MCHR2: variants seen among roughly 807,000 people sequenced by gnomAD.
MCHR2 encodes the protein melanin concentrating hormone receptor 2.
Under a neutral mutation model 24.8 loss-of-function variants are expected in MCHR2, and 15 were observed. The ratio of observed to expected loss-of-function variants is 0.60; its 90% CI spans 0.40 to 0.93. The LOEUF (loss-of-function observed/expected upper bound fraction) is 0.93. Among genes scored for constraint, MCHR2 ranks in the 40% least tolerant of loss-of-function variants. The probability of loss-of-function intolerance (pLI) is 0.00; values close to 1 mark genes in which losing one functional copy is unlikely to be tolerated. For synonymous variants in MCHR2, 151 were observed against 147.6 expected, an observed-to-expected ratio of 1.02 and a Z score of -0.17; for missense variants, 386 against 408.7, an observed-to-expected ratio of 0.94 and a Z score of 0.48.
At chr6:99,990,531 GTTAA>G (rs1775853765) in intron 1 of MCHR2, among the ~76,000 whole-genome samples, 2 of 152,066 alleles carry the variant, frequency 1.3e-5, no homozygotes, top group South Asian at 4.1e-4. Flanking sequence ...AAAAATGTAT[GTTAA>G]TTAAGTAAAA....
rs947997612 is a variant in MCHR2 at position 99,991,004 on chromosome 6, G to A, written c.-28+2932C>T. ...TTTATGAGATTCCCAATAATGTTGG[G>A]ATGGGACAGAAAGAAGAAACCCAAG... On this transcript the variant is annotated intron_variant, in intron 1 of 5. Transcript: ENST00000281806. 5.3e-5 allele frequency among the ~76,000 whole-genome samples: 8 copies of A among 151,146 alleles called. No individual in the cohort carries two copies. In the East Asian group the frequency reaches 5.8e-4, roughly 11 times the overall value.
intron 1 of MCHR2, among the ~76,000 whole-genome samples, chr6:99,982,960 G>C (rs1775699394): frequency 6.6e-6 from 1 of 151,816 alleles, no homozygotes; most frequent in Admixed American, 6.6e-5. Flanking sequence ...GTTTTGTTTT[G>C]TTTGTCTTAT....
chr6:99,930,872 A>G lies in MCHR2; in HGVS notation c.707+3526T>C, dbSNP rs538395148. On this transcript the variant is annotated intron_variant, in intron 5 of 5. Transcript: ENST00000281806. Reference sequence around the variant, plus strand: ...GTCATTCTCCATCCAGCTTTGTTCCATTGCTGGTGAGGAGCTGTGTTCCTT... The same window carrying G: ...GTCATTCTCCATCCAGCTTTGTTCCGTTGCTGGTGAGGAGCTGTGTTCCTT... Among the ~76,000 whole-genome samples the G allele has an allele frequency of 7.2e-5, 11 of 152,188 alleles. 1 individual carries two copies. The South Asian group carries it at 2.1e-3, about 29-fold the overall frequency.
intron 1 of MCHR2, among the ~76,000 whole-genome samples, chr6:99,961,668 G>C (rs1775191614): frequency 1.3e-5 from 2 of 152,092 alleles, no homozygotes; most frequent in African/African-American, 4.8e-5. Flanking sequence ...AGAACACATA[G>C]ACACAGGGTG....
chr6:99,928,755 T>C (rs1364681392), intron 5 of MCHR2, among the ~76,000 whole-genome samples: 1 of 152,220 alleles, frequency 6.6e-6, no homozygotes, highest in Non-Finnish European at 1.5e-5. Context: ...TTGCTAGCGG[T>C]CTATCAATTT....
chr6:99,945,607 CATTT>C (rs1431565114), intron 3 of MCHR2, among the ~76,000 whole-genome samples: 7 of 152,094 alleles, frequency 4.6e-5, no homozygotes, highest in African/African-American at 1.4e-4. Flanking sequence ...ATGGCACTGA[CATTT>C]AGTTATGATC....
rs925686587 is a variant in MCHR2 at position 99,930,533 on chromosome 6, C to T, written c.707+3865G>A. On this transcript the variant is annotated intron_variant, in intron 5 of 5. Coordinates refer to ENST00000281806, the MANE Select transcript of MCHR2 (RefSeq NM_001040179.2). ...TCCCATATTTCTTGGAGGCTTTGTT[C>T]GTTTCTTTTTATTCTTTTTTCTCTA... is the stretch of plus-strand genomic sequence containing the variant. Among the ~76,000 whole-genome samples, 8 of 152,182 alleles carry T rather than the reference C, an allele frequency of 5.3e-5. No individual in the cohort carries two copies. In the East Asian group the frequency reaches 5.8e-4, roughly 11 times the overall value.
At chr6:99,981,129 A>G (rs999518188) in intron 1 of MCHR2, among the ~76,000 whole-genome samples, 2 of 152,194 alleles carry the variant, frequency 1.3e-5, no homozygotes, top group African/African-American at 4.8e-5. Context: ...CTAGCTGTCA[A>G]TCCTTTTGCT....
intron 5 of MCHR2, 63 bp from the exon 6 acceptor site, chr6:99,921,318 T>G (rs995640667): frequency 1.8e-5 from 26 of 1,477,758 alleles, no homozygotes; most frequent in Non-Finnish European, 2.2e-5. Flanking sequence ...GGGCAATGTG[T>G]TCCTAGAACC....
intron 4 of MCHR2, among the ~76,000 whole-genome samples, chr6:99,937,606 G>C (rs1292776794): frequency 6.6e-6 from 1 of 151,748 alleles, no homozygotes; most frequent in Admixed American, 6.6e-5. Context: ...AATTCTGTTT[G>C]CTAGTATTTT....
At chr6:99,975,608 T>A (rs999006827) in intron 1 of MCHR2, among the ~76,000 whole-genome samples, 3 of 152,192 alleles carry the variant, frequency 2.0e-5, no homozygotes, top group Admixed American at 6.5e-5. Flanking sequence ...CACTCCCTAG[T>A]GAGATGAACC....
intron 5 of MCHR2, among the ~76,000 whole-genome samples, chr6:99,929,666 C>A (rs910153906): frequency 8.6e-5 from 13 of 151,974 alleles, no homozygotes; most frequent in Admixed American, 6.6e-5. Context: ...GCAACCCCTG[C>A]CTTTTTTTGT....
chr6:99,925,569 T>A (rs1347099205), intron 5 of MCHR2, among the ~76,000 whole-genome samples: 1 of 151,972 alleles, frequency 6.6e-6, no homozygotes, highest in Non-Finnish European at 1.5e-5. Context: ...CCATTGTATG[T>A]TTTCTGATTT....
At chr6:99,951,799 G>A (rs779299208) in intron 2 of MCHR2, among the ~76,000 whole-genome samples, 7 of 152,080 alleles carry the variant, frequency 4.6e-5, no homozygotes, top group Non-Finnish European at 1.0e-4. Context: ...GTCAGCAGCT[G>A]GAATTCTACC....
chr6:99,938,680 A>G (rs1286114644), intron 4 of MCHR2, among the ~76,000 whole-genome samples: 3 of 152,034 alleles, frequency 2.0e-5, no homozygotes, highest in Non-Finnish European at 2.9e-5. Flanking sequence ...GTTGGGTGAA[A>G]TGTTCTGTAA....
chr6:99,937,790 T>G (rs1424458861), intron 4 of MCHR2, among the ~76,000 whole-genome samples: 1 of 151,320 alleles, frequency 6.6e-6, no homozygotes, highest in Non-Finnish European at 1.5e-5. Context: ...TGGTATTAAT[T>G]ATTTAAATAT....
At chr6:99,955,768 T>C (rs935887747) in intron 2 of MCHR2, among the ~76,000 whole-genome samples, 198 bp downstream of exon 2, 3 of 152,100 alleles carry the variant, frequency 2.0e-5, no homozygotes, top group African/African-American at 2.4e-5. Flanking sequence ...TCTTAGCATG[T>C]TGAGATTTGC....
chr6:99,948,036 C>T (rs933693394), intron 2 of MCHR2, 65 bp from the exon 3 acceptor site: 52 of 1,374,224 alleles, frequency 3.8e-5, no homozygotes, highest in Non-Finnish European at 1.2e-5. Flanking sequence ...ATATATGCTA[C>T]CTCATACAAA....
intron 1 of MCHR2, among the ~76,000 whole-genome samples, chr6:99,985,210 C>T (rs1775748412): frequency 6.6e-6 from 1 of 150,776 alleles, no homozygotes; most frequent in Non-Finnish European, 1.5e-5. Context: ...ATCCTATGCT[C>T]ATGAATTGGA....
Sources: gnomAD v4.1 joint callset for allele counts (sites outside exome capture counted in the v4.1 genomes callset) on GRCh38, gnomAD v4.1.1 for gene constraint, MANE v1.5 for transcripts, NCBI Gene and HGNC (gene_info 2026-07-23, HGNC 2026-07-21) for gene names.